The following CR1 variants were observed in gnomAD, a reference collection of about 807,000 sequenced individuals.
The protein encoded by CR1 is complement receptor type 1.
A neutral mutation model predicts 187.3 loss-of-function variants in CR1; 116 were observed. That is an observed-to-expected ratio of 0.62 (90% CI 0.53 to 0.72). CR1 has a LOEUF of 0.72. Ranked by LOEUF, CR1 falls within the 30% of genes least tolerant of loss-of-function variation. CR1 has a pLI of 0.00. For missense variants in CR1, 1,731 were observed against 2,110.7 expected (o/e 0.82, Z 3.52); for synonymous variants, 576 against 747.1 (o/e 0.77, Z 3.73).
At chr1:207,617,525 GTGTGTGTGTGTGTA>G (rs1662151792) in intron 41 of CR1, among the ~76,000 whole-genome samples, 1 of 91,398 alleles carries the variant, frequency 1.1e-5, no homozygotes, top group African/African-American at 3.6e-5. Context: ...GTGTGTGTGT[GTGTGTGTGTGTGTA>G]TGTGTGTATA....
At chr1:207,633,558 CTTAT>C (rs764243829) in intron 46 of CR1, among the ~76,000 whole-genome samples, 11 of 152,116 alleles carry the variant, frequency 7.2e-5, no homozygotes, top group Non-Finnish European at 1.5e-4. Flanking sequence ...CATGTAGTTG[CTTAT>C]TTATTCTTCA....
rs1298359572 is a variant in CR1 at position 207,630,637 on chromosome 1, C to T, written c.7457+16C>T. 6.6e-7 allele frequency: 1 copy of T among 1,508,312 alleles called. No homozygotes were observed. The highest frequency in any genetic ancestry group is 8.9e-7 in the Non-Finnish European group (1 of 1,118,130). 93.4% of individuals were successfully genotyped at this position (1,508,312 alleles called of 1,614,324 possible). A position where few individuals can be genotyped will look rare whatever the true frequency, so the allele number is the denominator to read the frequency against. On this transcript the variant is annotated intron_variant, in intron 46 of 46. Coordinates refer to ENST00000367049, the MANE Select transcript of CR1 (RefSeq NM_000651.6). Reference sequence around the variant, plus strand: ...AAAATAGCAGGTACCTATATACATACTGAATTCAAAATGTTTTCAACAACT... The same window carrying T: ...AAAATAGCAGGTACCTATATACATATTGAATTCAAAATGTTTTCAACAACT...
chr1:207,617,507 A>ATATATATATATGTGTG lies in CR1; in HGVS notation c.6890-563_6890-562insATATATATATGTGTGT, dbSNP rs1332301171. Among the ~76,000 whole-genome samples the ATATATATATATGTGTG allele has an allele frequency of 2.5e-3, 119 of 47,016 alleles. 6 individuals are homozygous for ATATATATATATGTGTG. The highest frequency in any genetic ancestry group is 9.1e-3 in the Middle Eastern group (1 of 110). 30.8% of individuals were successfully genotyped at this position (47,016 alleles called of 152,430 possible). A position where few individuals can be genotyped will look rare whatever the true frequency, so the allele number is the denominator to read the frequency against. On this transcript the variant is annotated intron_variant, in intron 41 of 46. Transcript: ENST00000367049. Reference sequence around the variant, plus strand: ...AGTATATATATATATATATATATATATGTGTGTGTGTGTGTGTGTGTGTGT... The same window carrying ATATATATATATGTGTG: ...AGTATATATATATATATATATATATATATATATATATGTGTGTGTGTGTGTGTGTGTGTGTGTGTGT...
chr1:207,614,059 G>C (rs544132883), intron 39 of CR1, among the ~76,000 whole-genome samples: 12 of 152,292 alleles, frequency 7.9e-5, no homozygotes, highest in African/African-American at 2.9e-4. Context: ...GACACCTGAA[G>C]GTTATGGCTC....
chr1:207,524,008 G>C lies in CR1; in HGVS notation c.885G>C (p.Arg295Ser). The change falls in exon 5 of 47, where the codon AGG becomes AGC. Residue 295 changes from arginine to serine, a missense_variant and splice_region_variant. Around this residue, in one of 5 missense-constraint regions of CR1, gnomAD observed 131 missense variants for 196.8 expected, o/e 0.67. Transcript: ENST00000367049. ...KWEPELPSCS[R>S]VCQPPPDVLH... Reference sequence around the variant, plus strand: ...AGCCGGAGCTACCAAGCTGCTCCAGGGGTGAGTCTGACTGAGGCCTAGAAG... The same window carrying C: ...AGCCGGAGCTACCAAGCTGCTCCAGCGGTGAGTCTGACTGAGGCCTAGAAG... 6.2e-7 allele frequency: 1 copy of C among 1,611,772 alleles called. No homozygotes were observed. The highest frequency in any genetic ancestry group is 8.5e-7 in the Non-Finnish European group (1 of 1,179,722).
intron 24 of CR1, among the ~76,000 whole-genome samples, 186 bp downstream of exon 24, chr1:207,566,109 C>A (rs1406443961): frequency 6.6e-6 from 1 of 150,438 alleles, no homozygotes; most frequent in African/African-American, 2.5e-5. Flanking sequence ...ACCATCTGAT[C>A]TGTCTCTGTC....
intron 34 of CR1, 110 bp from the exon 35 acceptor site, chr1:207,588,565 A>T: frequency 2.8e-6 from 2 of 715,844 alleles, no homozygotes; most frequent in African/African-American, 3.6e-5. Context: ...AGTCAATTCC[A>T]TGAAACAATT....
chr1:207,579,843 C>T (rs1660880784), intron 29 of CR1, among the ~76,000 whole-genome samples: 1 of 152,146 alleles, frequency 6.6e-6, no homozygotes, highest in East Asian at 1.9e-4. Flanking sequence ...AGGCAAGAAC[C>T]CTTCCAGAGT....
intron 34 of CR1, 147 bp from the exon 35 acceptor site, chr1:207,588,528 A>AG: frequency 1.6e-6 from 1 of 640,518 alleles, no homozygotes; most frequent in South Asian, 1.9e-5. Flanking sequence ...CATGATTCTG[A>AG]AGTTGTCTGC....
chr1:207,511,786 C>A (rs577903962), intron 4 of CR1, 132 bp downstream of exon 4: 1 of 764,574 alleles, frequency 1.3e-6, no homozygotes, highest in African/African-American at 1.7e-5. Context: ...GTAATGTTCT[C>A]GAATATTCCT....
At position 207,609,200 on chromosome 1, in the gene CR1, T is replaced by C. The variant is rs1011739180; in HGVS notation, c.5897-90T>C. The C allele has an allele frequency of 4.2e-6, 5 of 1,202,254 alleles. No individual in the cohort carries two copies. The East Asian group carries it at 7.7e-5, about 18-fold the overall frequency. The allele number at this position is 1,202,254 out of a possible 1,614,324, so 74.5% of individuals were successfully genotyped here. A position where few individuals can be genotyped will look rare whatever the true frequency, so the allele number is the denominator to read the frequency against. ...TATTGTAATTCCATTTAGAAAATCA[T>C]TGGATTATTTGCATTTGGTATTTAA... is the stretch of plus-strand genomic sequence containing the variant. On this transcript the variant is annotated intron_variant, in intron 36 of 46. Transcript: ENST00000367049.
intron 43 of CR1, among the ~76,000 whole-genome samples, chr1:207,620,726 A>G (rs1247957081): frequency 6.6e-6 from 1 of 152,176 alleles, no homozygotes; most frequent in Admixed American, 6.5e-5. Flanking sequence ...ACTCGCAGAT[A>G]ATATTTCTAA....
At position 207,617,507 on chromosome 1, in the gene CR1, ATGTG is replaced by A. The variant is rs1167357538; in HGVS notation, c.6890-536_6890-533del. Among the ~76,000 whole-genome samples, 410 of 47,030 alleles carry A rather than the reference ATGTG, an allele frequency of 8.7e-3. 38 individuals are homozygous for A. The highest frequency in any genetic ancestry group is 0.018 in the African/African-American group (291 of 15,788). The allele number at this position is 47,030 out of a possible 152,430, so 30.9% of individuals were successfully genotyped here. A position where few individuals can be genotyped will look rare whatever the true frequency, so the allele number is the denominator to read the frequency against. ...AGTATATATATATATATATATATATATGTGTGTGTGTGTGTGTGTGTGTGTGTGT... is the reference window on the plus strand; with the variant it reads ...AGTATATATATATATATATATATATATGTGTGTGTGTGTGTGTGTGTGTGT... On this transcript the variant is annotated intron_variant, in intron 41 of 46. Coordinates refer to ENST00000367049, the MANE Select transcript of CR1 (RefSeq NM_000651.6).
At chr1:207,610,121 T>C (rs1333504237) in intron 37 of CR1, among the ~76,000 whole-genome samples, 1 of 152,022 alleles carries the variant, frequency 6.6e-6, no homozygotes, top group African/African-American at 2.4e-5. Flanking sequence ...AGGACCAAAA[T>C]GAGAGCATCA....
rs915626583 is a variant in CR1, at chr1:207,640,010, A to G, written c.*601A>G. 2.0e-5 allele frequency: 3 copies of G among 152,218 alleles called. No individual in the cohort carries two copies. The highest frequency in any genetic ancestry group is 2.9e-5 in the Non-Finnish European group (2 of 68,044). The allele number at this position is 152,218 out of a possible 1,614,324, so 9.4% of individuals were successfully genotyped here. On this transcript the variant is annotated 3_prime_UTR_variant, in exon 47 of 47. Coordinates refer to ENST00000367049, the MANE Select transcript of CR1 (RefSeq NM_000651.6). The stretch of plus-strand genomic sequence containing the variant: ...TTTAGAGTGAAATATATGCTATATC[A>G]GTTTTTACTTTCTCTAGGGAGAAAA...
chr1:207,568,381 G>T (rs1365367704), intron 25 of CR1, among the ~76,000 whole-genome samples: 5 of 99,692 alleles, frequency 5.0e-5, no homozygotes, highest in African/African-American at 1.9e-4. Flanking sequence ...GCCAGGAAAC[G>T]TCTTGAGTTC....
intron 1 of CR1, among the ~76,000 whole-genome samples, chr1:207,498,182 A>G (rs1659149051): frequency 6.6e-6 from 1 of 152,228 alleles, no homozygotes; most frequent in Non-Finnish European, 1.5e-5. Context: ...AGATGGTGTA[A>G]TGCATGTGAC....
intron 31 of CR1, among the ~76,000 whole-genome samples, chr1:207,581,070 T>C (rs1052631843): frequency 1.3e-5 from 2 of 150,280 alleles, no homozygotes; most frequent in Non-Finnish European, 2.9e-5. Context: ...GGAAAAACAA[T>C]GGCCGAAATA....
chr1:207,591,102 C>T (rs1203610280), intron 35 of CR1, among the ~76,000 whole-genome samples: 1 of 152,082 alleles, frequency 6.6e-6, no homozygotes, highest in African/African-American at 2.4e-5. Context: ...ACCAAGCAGA[C>T]CTAATAGACA....
Sources: gnomAD v4.1 joint callset for allele counts (sites outside exome capture counted in the v4.1 genomes callset) on GRCh38, gnomAD v4.1.1 for gene constraint, gnomAD v4.1.1 regional missense constraint, MANE v1.5 for transcripts, NCBI Gene and HGNC (gene_info 2026-07-23, HGNC 2026-07-21) for gene names.